SH3RF3: variants seen among roughly 807,000 people sequenced by gnomAD.
The protein encoded by SH3RF3 is SH3 domain containing ring finger 3.
A neutral mutation model predicts 66.3 loss-of-function variants in SH3RF3; 29 were observed. The observed-to-expected ratio is 0.44, with a 90% confidence interval of 0.33 to 0.60. The LOEUF (loss-of-function observed/expected upper bound fraction) is 0.60, where lower values mean the gene tolerates loss of function less well. Among genes scored for constraint, SH3RF3 ranks in the 20% least tolerant of loss-of-function variants. SH3RF3 has a pLI of 0.04. For synonymous variants in SH3RF3, 583 were observed against 532.0 expected, an observed-to-expected ratio of 1.10 and a Z score of -1.32; for missense variants, 1,194 against 1,190.9, an observed-to-expected ratio of 1.00 and a Z score of -0.04.
chr2:109,336,259 T>C (rs1682418886), intron 1 of SH3RF3, among the ~76,000 whole-genome samples: 1 of 152,240 alleles, frequency 6.6e-6, no homozygotes, highest in South Asian at 2.1e-4. Flanking sequence ...CTGGGAAGGC[T>C]GTCTTGTTCT....
At chr2:109,194,326 G>A (rs554610833) in intron 1 of SH3RF3, among the ~76,000 whole-genome samples, 3 of 152,232 alleles carry the variant, frequency 2.0e-5, no homozygotes, top group Non-Finnish European at 4.4e-5. Flanking sequence ...CTTGGGCTGC[G>A]GTGTCCCCAG....
intron 1 of SH3RF3, among the ~76,000 whole-genome samples, chr2:109,342,997 A>G (rs867454772): frequency 7.9e-5 from 12 of 152,074 alleles, no homozygotes; most frequent in African/African-American, 1.9e-4. Context: ...CTTAGTGACA[A>G]TGTTTGAATG....
intron 6 of SH3RF3, among the ~76,000 whole-genome samples, chr2:109,435,317 C>T (rs1455144170): frequency 6.6e-6 from 1 of 152,200 alleles, no homozygotes; most frequent in Admixed American, 6.5e-5. Flanking sequence ...AAGCTGTGCC[C>T]CCAGGACTTA....
chr2:109,413,352 G>C (rs946212063), intron 4 of SH3RF3, among the ~76,000 whole-genome samples: 1 of 152,192 alleles, frequency 6.6e-6, no homozygotes, highest in African/African-American at 2.4e-5. Context: ...GACCTCAGGT[G>C]ATCTGCTTGC....
intron 4 of SH3RF3, among the ~76,000 whole-genome samples, chr2:109,415,642 C>T (rs893183186): frequency 2.0e-5 from 3 of 152,084 alleles, no homozygotes; most frequent in African/African-American, 7.2e-5. Flanking sequence ...CCAGGGACGC[C>T]GTGCCCTCAG....
intron 5 of SH3RF3, among the ~76,000 whole-genome samples, chr2:109,430,514 T>TCCTCCTCCTC (rs548259101): frequency 1.3e-5 from 2 of 151,452 alleles, no homozygotes; most frequent in African/African-American, 2.4e-5. Context: ...TCTCCCCATC[T>TCCTCCTCCTC]CCTCCTCCTC....
At chr2:109,380,879 G>A (rs1675630802) in intron 3 of SH3RF3, among the ~76,000 whole-genome samples, 3 of 152,208 alleles carry the variant, frequency 2.0e-5, no homozygotes, top group Admixed American at 2.0e-4. Context: ...GGCCTTTGGA[G>A]GCCCCAGCAG....
At chr2:109,477,035 T>C (rs1261626569) in intron 8 of SH3RF3, among the ~76,000 whole-genome samples, 6 of 152,356 alleles carry the variant, frequency 3.9e-5, no homozygotes, top group Middle Eastern at 6.8e-3. Flanking sequence ...TGCCTTGTGC[T>C]GACCTTCTGT....
Position 109,437,004 on chromosome 2 carries a change from G to A in SH3RF3, c.1686G>A (p.Leu562=). The A allele has an allele frequency of 6.2e-7, 1 of 1,613,846 alleles. No homozygotes were observed. The highest frequency in any genetic ancestry group is 8.5e-7 in the Non-Finnish European group (1 of 1,179,884). Residue 562 remains leucine, a synonymous_variant, in exon 7 of 10, where the codon CTG becomes CTA. Coordinates refer to ENST00000309415, the MANE Select transcript of SH3RF3 (RefSeq NM_001099289.3). ...CAGGCAGTGGGAGTCTGAGCAGCCT[G>A]GCCACTGCCACCAGGCCCGCCCTGC... ...MHPGSGSLSS[L]ATATRPALPI... is the part of the protein sequence containing the mutation.
At chr2:109,215,003 GA>G (rs1027683098) in intron 1 of SH3RF3, among the ~76,000 whole-genome samples, 2 of 152,230 alleles carry the variant, frequency 1.3e-5, no homozygotes, top group Non-Finnish European at 2.9e-5. Context: ...GGCAGAGTAA[GA>G]TCTCAAATAA....
At chr2:109,456,908 G>A (rs763556909) in intron 8 of SH3RF3, among the ~76,000 whole-genome samples, 12 of 152,246 alleles carry the variant, frequency 7.9e-5, no homozygotes, top group Non-Finnish European at 1.5e-4. Context: ...CCTTCAGAAA[G>A]TGGCAGGGAC....
chr2:109,357,203 A>G (rs1272514013), intron 2 of SH3RF3, among the ~76,000 whole-genome samples: 1 of 150,540 alleles, frequency 6.6e-6, no homozygotes, highest in Non-Finnish European at 1.5e-5. Context: ...TTTTTTTGAG[A>G]CGGAGTCTTA....
intron 8 of SH3RF3, among the ~76,000 whole-genome samples, chr2:109,488,235 T>TG (rs543949412): frequency 1.6e-4 from 24 of 152,274 alleles, no homozygotes; most frequent in Non-Finnish European, 3.4e-4. Context: ...AACCCTGCCA[T>TG]GGGGGGTTCC....
chr2:109,458,671 A>AG (rs1037029714), intron 8 of SH3RF3, among the ~76,000 whole-genome samples: 1 of 151,690 alleles, frequency 6.6e-6, no homozygotes, highest in Non-Finnish European at 1.5e-5. Flanking sequence ...GCAGCCCAGC[A>AG]GGCTGGACCC....
At chr2:109,296,769 G>A (rs1681319479) in intron 1 of SH3RF3, among the ~76,000 whole-genome samples, 1 of 152,184 alleles carries the variant, frequency 6.6e-6, no homozygotes, top group African/African-American at 2.4e-5. Flanking sequence ...GACTTGCCAT[G>A]GCGTGTGGGA....
chr2:109,186,761 T>A (rs1456241912), intron 1 of SH3RF3, among the ~76,000 whole-genome samples: 1 of 152,118 alleles, frequency 6.6e-6, no homozygotes, highest in Admixed American at 6.5e-5. Context: ...GGGCAGCATG[T>A]GGGAATGCAG....
At chr2:109,323,038 C>T (rs894760000) in intron 1 of SH3RF3, among the ~76,000 whole-genome samples, 19 of 152,130 alleles carry the variant, frequency 1.2e-4, no homozygotes, top group South Asian at 8.3e-4. Flanking sequence ...TAGGTGGTCT[C>T]GTTGAAATGT....
At chr2:109,493,516 A>ACACCATTGCATACCCACACC (rs1679184174) in intron 9 of SH3RF3, among the ~76,000 whole-genome samples, 1 of 151,524 alleles carries the variant, frequency 6.6e-6, no homozygotes, top group Non-Finnish European at 1.5e-5. Flanking sequence ...TACCTCACAC[A>ACACCATTGCATACCCACACC]CACCATTGCA....
intron 1 of SH3RF3, among the ~76,000 whole-genome samples, chr2:109,142,126 C>A (rs536504987): frequency 6.6e-6 from 1 of 151,894 alleles, no homozygotes; most frequent in Non-Finnish European, 1.5e-5. Context: ...AGTCACCTAC[C>A]GGGTGGGGTC....
Sources: allele counts gnomAD v4.1 joint callset (sites outside exome capture counted in the v4.1 genomes callset), GRCh38; gene constraint gnomAD v4.1.1; transcripts MANE v1.5; gene names NCBI Gene and HGNC (gene_info 2026-07-23, HGNC 2026-07-21).